C9: variants seen among roughly 807,000 people sequenced by gnomAD.
The protein encoded by C9 is complement component C9.
Under a neutral mutation model 65.4 loss-of-function variants are expected in C9, and 63 were observed. That is an observed-to-expected ratio of 0.96 (90% CI 0.79 to 1.19). The LOEUF (loss-of-function observed/expected upper bound fraction) is 1.19, where lower values mean the gene tolerates loss of function less well. Ranked by LOEUF, C9 falls within the 50% of genes most tolerant of loss-of-function variation. The probability of loss-of-function intolerance (pLI) is 0.00; values close to 1 mark genes in which losing one functional copy is unlikely to be tolerated. For missense variants in C9, 744 were observed against 670.1 expected, an observed-to-expected ratio of 1.11 and a Z score of -1.22; for synonymous variants, 229 against 227.9, an observed-to-expected ratio of 1.00 and a Z score of -0.04.
intron 9 of C9, among the ~76,000 whole-genome samples, chr5:39,301,224 C>T (rs897698843): frequency 3.3e-5 from 5 of 152,032 alleles, no homozygotes; most frequent in African/African-American, 1.2e-4. Context: ...TAACCTTAAC[C>T]TACTTGAATG....
rs1561328461 is a variant in C9, at chr5:39,284,754, C to T, written c.*445G>A. The T allele has an allele frequency of 1.2e-5, 2 of 165,272 alleles. No homozygotes were observed. The highest frequency in any genetic ancestry group is 1.3e-5 in the Non-Finnish European group (1 of 75,862). The allele number at this position is 165,272 out of a possible 1,614,324, so 10.2% of individuals were successfully genotyped here. A position where few individuals can be genotyped will look rare whatever the true frequency, so the allele number is the denominator to read the frequency against. On this transcript the variant is annotated 3_prime_UTR_variant, in exon 11 of 11. Coordinates refer to ENST00000263408, the MANE Select transcript of C9 (RefSeq NM_001737.5). ...ATTTGCTGAATGAATGTATGCACAC[C>T]TAAGCAAATAACCAAACTAAACATA...
intron 5 of C9, among the ~76,000 whole-genome samples, chr5:39,329,731 G>A (rs972029317): frequency 1.3e-5 from 2 of 152,182 alleles, no homozygotes; most frequent in Non-Finnish European, 2.9e-5. Flanking sequence ...GGATTATATG[G>A]AGTTGGTATT....
chr5:39,317,135 T>G (rs1439547470), intron 5 of C9, among the ~76,000 whole-genome samples: 1 of 152,214 alleles, frequency 6.6e-6, no homozygotes, highest in African/African-American at 2.4e-5. Flanking sequence ...GTTGGCCACA[T>G]GAATGTCTTC....
intron 10 of C9, 50 bp downstream of exon 10, chr5:39,288,673 C>A (rs183535709): frequency 8.3e-6 from 8 of 968,204 alleles, no homozygotes; most frequent in Middle Eastern, 2.1e-4. Flanking sequence ...ATTAGATAAC[C>A]CCAAAGTGCA....
intron 9 of C9, among the ~76,000 whole-genome samples, chr5:39,303,991 T>G (rs988122573): frequency 6.6e-6 from 1 of 152,184 alleles, no homozygotes; most frequent in African/African-American, 2.4e-5. Flanking sequence ...CTTGTTTTTA[T>G]TAATCTTTTT....
At chr5:39,345,308 A>T (rs534395881) in intron 1 of C9, among the ~76,000 whole-genome samples, 4 of 152,238 alleles carry the variant, frequency 2.6e-5, no homozygotes, top group Non-Finnish European at 4.4e-5. Flanking sequence ...CATAGGCTCA[A>T]AGTAAAGGGA....
At chr5:39,326,316 A>G (rs1479513602) in intron 5 of C9, among the ~76,000 whole-genome samples, 1 of 152,230 alleles carries the variant, frequency 6.6e-6, no homozygotes, top group African/African-American at 2.4e-5. Flanking sequence ...ATCATATGCT[A>G]TACTGTCTCC....
At chr5:39,315,704 G>A (rs1753556407) in intron 6 of C9, 71 bp downstream of exon 6, 1 of 1,131,142 alleles carries the variant, frequency 8.8e-7, no homozygotes, top group South Asian at 1.4e-5. Context: ...ATTTCTATTT[G>A]CTCAAAATAC....
In C9 at chr5:39,341,618, A is replaced by G. The variant is rs769848705; in HGVS notation, c.266T>C (p.Val89Ala). The G allele has an allele frequency of 6.2e-7, 1 of 1,613,702 alleles. No individual in the cohort carries two copies. The highest frequency in any genetic ancestry group is 1.1e-5 in the South Asian group (1 of 91,070). The change falls in exon 3 of 11, where the codon GTG becomes GCG. Residue 89 changes from valine to alanine, a missense_variant. Physicochemically the swap from Val to Ala is moderately conservative, Grantham distance 64. Transcript: ENST00000263408. The part of the protein sequence containing the change: ...TDAVGDRRQC[V>A]PTEPCEDAED... ...AGCATCCTCACAGGGCTCTGTGGGC[A>G]CACACTGTCGTCTGTCTCCCACAGC... is the stretch of plus-strand genomic sequence containing the variant.
intron 4 of C9, among the ~76,000 whole-genome samples, chr5:39,340,313 G>C (rs567843049): frequency 1.3e-5 from 2 of 151,812 alleles, no homozygotes; most frequent in African/African-American, 2.4e-5. Flanking sequence ...CTACTGGGTG[G>C]AAGAATGACC....
At chr5:39,319,801 C>A (rs1422132330) in intron 5 of C9, among the ~76,000 whole-genome samples, 1 of 152,126 alleles carries the variant, frequency 6.6e-6, no homozygotes, top group Admixed American at 6.5e-5. Flanking sequence ...AGTGGACCCA[C>A]TGGACCCAGG....
At chr5:39,322,527 C>T (rs1753681118) in intron 5 of C9, among the ~76,000 whole-genome samples, 1 of 151,838 alleles carries the variant, frequency 6.6e-6, no homozygotes, top group African/African-American at 2.4e-5. Flanking sequence ...AGAAAAACAA[C>T]AGAAAAGGCC....
chr5:39,330,660 C>G (rs907347763), intron 5 of C9, among the ~76,000 whole-genome samples: 12 of 152,098 alleles, frequency 7.9e-5, no homozygotes, highest in Non-Finnish European at 5.9e-5. Context: ...GAAGTTTAAC[C>G]TGGCATTATT....
intron 1 of C9, among the ~76,000 whole-genome samples, chr5:39,362,098 G>A (rs1475025630): frequency 6.6e-6 from 1 of 152,176 alleles, no homozygotes; most frequent in African/African-American, 2.4e-5. Flanking sequence ...TTATTAGACA[G>A]ATGCTATCAT....
intron 5 of C9, among the ~76,000 whole-genome samples, chr5:39,327,177 G>T (rs1753761678): frequency 6.6e-6 from 1 of 152,034 alleles, no homozygotes; most frequent in African/African-American, 2.4e-5. Flanking sequence ...ATCAGATCAG[G>T]GATCACTTTG....
intron 1 of C9, among the ~76,000 whole-genome samples, chr5:39,346,538 CA>C (rs1754198149): frequency 1.3e-5 from 2 of 152,042 alleles, no homozygotes; most frequent in African/African-American, 4.8e-5. Context: ...AATAGCCTAC[CA>C]ACCAAAAAAA....
chr5:39,360,632 C>T (rs1579886771), intron 1 of C9, among the ~76,000 whole-genome samples: 1 of 151,824 alleles, frequency 6.6e-6, no homozygotes, highest in South Asian at 2.1e-4. Flanking sequence ...GAACAATGGA[C>T]AAAGGAAATG....
Position 39,364,475 on chromosome 5 carries a change from C to T in C9, c.-11G>A, listed in dbSNP as rs201552982. 26 of 1,585,398 alleles carry T rather than the reference C, an allele frequency of 1.6e-5. 1 individual carries two copies. In the South Asian group the frequency reaches 2.8e-4, roughly 17 times the overall value. On this transcript the variant is annotated 5_prime_UTR_variant, in exon 1 of 11. Transcript: ENST00000263408. ...CCGGCAGGCTGACATGCTGCTCTTG[C>T]TGGGTGGCTGCGAGTGGGGTGGCAG...
At chr5:39,346,708 G>C (rs1754203634) in intron 1 of C9, among the ~76,000 whole-genome samples, 1 of 152,084 alleles carries the variant, frequency 6.6e-6, no homozygotes, top group African/African-American at 2.4e-5. Flanking sequence ...GTCTGGCAAA[G>C]ACACAACAAA....
Sources: allele counts gnomAD v4.1 joint callset (sites outside exome capture counted in the v4.1 genomes callset), GRCh38; gene constraint gnomAD v4.1.1; transcripts MANE v1.5; gene names NCBI Gene and HGNC (gene_info 2026-07-23, HGNC 2026-07-21).